The following NKAIN3 variants were observed in gnomAD, a reference collection of about 807,000 sequenced individuals.
NKAIN3 encodes the protein sodium/potassium-transporting ATPase subunit beta-1-interacting protein 3.
NKAIN3 carries 25 observed loss-of-function variants against 30.2 expected under a neutral mutation model. That is an observed-to-expected ratio of 0.83 (90% confidence interval 0.60 to 1.16). The LOEUF (loss-of-function observed/expected upper bound fraction) is 1.16, where lower values mean the gene tolerates loss of function less well. NKAIN3 is among the 50% of genes most tolerant of loss of function. The pLI, the probability that NKAIN3 is intolerant of heterozygous loss-of-function variation, is 0.00. For missense variants in NKAIN3, 225 were observed against 254.1 expected, an observed-to-expected ratio of 0.89 and a Z score of 0.78; for synonymous variants, 91 against 89.6, an observed-to-expected ratio of 1.02 and a Z score of -0.09.
intron 4 of NKAIN3, among the ~76,000 whole-genome samples, chr8:62,835,285 C>A (rs1014833541): frequency 6.6e-6 from 1 of 152,014 alleles, no homozygotes; most frequent in Non-Finnish European, 1.5e-5. Flanking sequence ...ACTAAGTCCT[C>A]GAAAGCAATT....
intron 3 of NKAIN3, among the ~76,000 whole-genome samples, chr8:62,713,722 A>G (rs1052839520): frequency 1.3e-5 from 2 of 152,166 alleles, no homozygotes; most frequent in East Asian, 1.9e-4. Flanking sequence ...AAACATTTCT[A>G]TGGTTTATGT....
chr8:62,626,736 T>A (rs1811800825), intron 3 of NKAIN3, among the ~76,000 whole-genome samples: 1 of 152,092 alleles, frequency 6.6e-6, no homozygotes, highest in Non-Finnish European at 1.5e-5. Flanking sequence ...AGACAGCATA[T>A]GTAAAGTGTG....
chr8:62,440,405 A>T (rs554100862), intron 1 of NKAIN3, among the ~76,000 whole-genome samples: 1 of 152,310 alleles, frequency 6.6e-6, no homozygotes, highest in East Asian at 1.9e-4. Context: ...ATATGGAAAG[A>T]ATCAATTTAA....
chr8:62,304,377 G>C (rs1206994782), intron 1 of NKAIN3, among the ~76,000 whole-genome samples: 2 of 150,364 alleles, frequency 1.3e-5, no homozygotes, highest in African/African-American at 2.5e-5. Flanking sequence ...CTTCTGAGCT[G>C]AGTTGCTTAG....
intron 4 of NKAIN3, among the ~76,000 whole-genome samples, chr8:62,883,997 G>A (rs1258697181): frequency 2.0e-5 from 3 of 152,098 alleles, no homozygotes; most frequent in African/African-American, 7.2e-5. Context: ...ATGCTGATGT[G>A]ATGAATTACA....
At chr8:62,707,238 A>G (rs1167227752) in intron 3 of NKAIN3, among the ~76,000 whole-genome samples, 1 of 152,108 alleles carries the variant, frequency 6.6e-6, no homozygotes, top group Admixed American at 6.6e-5. Flanking sequence ...CTCTGTGTAC[A>G]TACCCAGTAG....
At chr8:62,649,238 T>C (rs1812555668) in intron 3 of NKAIN3, among the ~76,000 whole-genome samples, 1 of 152,216 alleles carries the variant, frequency 6.6e-6, no homozygotes, top group African/African-American at 2.4e-5. Context: ...AGTAAGGTAC[T>C]TTGATTTTCC....
At chr8:62,874,076 G>C (rs1820724067) in intron 4 of NKAIN3, among the ~76,000 whole-genome samples, 1 of 151,548 alleles carries the variant, frequency 6.6e-6, no homozygotes, top group Admixed American at 6.6e-5. Context: ...TAACAAAATA[G>C]ATAAACCACT....
At chr8:62,431,246 T>C (rs866302979) in intron 1 of NKAIN3, among the ~76,000 whole-genome samples, 4 of 151,902 alleles carry the variant, frequency 2.6e-5, no homozygotes, top group Admixed American at 6.6e-5. Context: ...AAAGTAGATG[T>C]TCTAAAATTA....
chr8:62,333,625 G>A (rs1484148766), intron 1 of NKAIN3, among the ~76,000 whole-genome samples: 1 of 151,988 alleles, frequency 6.6e-6, no homozygotes, highest in Non-Finnish European at 1.5e-5. Context: ...ATTTTTCTTA[G>A]CTATATATAT....
rs1169432616 is a variant in NKAIN3, at chr8:62,990,219, T to C, written c.533-9012T>C. On this transcript the variant is annotated intron_variant, in intron 5 of 5. Coordinates refer to the NKAIN3 transcript ENST00000519049. The stretch of plus-strand genomic sequence containing the variant: ...CATCTTTTTATCCAGATGCTGCAAA[T>C]TATTGAATAAGCAAGAATTAGTAAG... 4.5e-6 allele frequency: 7 copies of C among 1,557,410 alleles called. No homozygotes were observed. The African/African-American group carries it at 6.8e-5, about 15-fold the overall frequency.
At chr8:62,509,204 G>T (rs1042716440) in intron 1 of NKAIN3, among the ~76,000 whole-genome samples, 3 of 152,040 alleles carry the variant, frequency 2.0e-5, no homozygotes, top group African/African-American at 4.8e-5. Flanking sequence ...TGGGGAGGGG[G>T]TCCCAAGCAA....
At chr8:62,627,692 T>C (rs1408959723) in intron 3 of NKAIN3, among the ~76,000 whole-genome samples, 1 of 152,108 alleles carries the variant, frequency 6.6e-6, no homozygotes, top group Non-Finnish European at 1.5e-5. Context: ...TCTCCTTTTC[T>C]CTTGAAAAAC....
At position 62,610,883 on chromosome 8, in the gene NKAIN3, T is replaced by C. The variant is rs576182244; in HGVS notation, c.273+21089T>C. Among the ~76,000 whole-genome samples, 32 of 152,250 alleles carry C rather than the reference T, an allele frequency of 2.1e-4. No homozygotes were observed. In the South Asian group the frequency reaches 6.6e-3, roughly 32 times the overall value. On this transcript the variant is annotated intron_variant, in intron 3 of 6. Transcript: ENST00000623646. ...GAGCCCTACTACGTTTTTTACTATG[T>C]TCTTATGTACATATAGTTTCATAGT...
chr8:62,379,065 G>T lies in NKAIN3; in HGVS notation c.54+129938G>T, dbSNP rs147162455. On this transcript the variant is annotated intron_variant, in intron 1 of 6. Transcript: ENST00000623646. Reference sequence around the variant, plus strand: ...CTGTGGGAACCTACCTTTTGCATCAGTGTGACATGGTTGTGAGACTTGGAG... The same window carrying T: ...CTGTGGGAACCTACCTTTTGCATCATTGTGACATGGTTGTGAGACTTGGAG... Among the ~76,000 whole-genome samples, 10 of 152,316 alleles carry T rather than the reference G, an allele frequency of 6.6e-5. 1 individual carries two copies. In the East Asian group the frequency reaches 1.9e-3, roughly 29 times the overall value.
At chr8:62,642,080 A>G (rs1346062514) in intron 3 of NKAIN3, among the ~76,000 whole-genome samples, 1 of 152,120 alleles carries the variant, frequency 6.6e-6, no homozygotes. Flanking sequence ...ATGCTTTTTA[A>G]AAAAATAAAG....
intron 4 of NKAIN3, among the ~76,000 whole-genome samples, chr8:62,781,905 C>T (rs1270796490): frequency 6.6e-6 from 1 of 151,900 alleles, no homozygotes. Context: ...ATGGCTATGA[C>T]CTCAGAAGCA....
At chr8:62,801,180 T>G (rs1471715921) in intron 4 of NKAIN3, among the ~76,000 whole-genome samples, 1 of 152,336 alleles carries the variant, frequency 6.6e-6, no homozygotes, top group East Asian at 1.9e-4. Context: ...GCTCCACCTC[T>G]GGGGGCAGGG....
chr8:62,487,106 A>C (rs2129601366), intron 1 of NKAIN3, among the ~76,000 whole-genome samples: 1 of 152,360 alleles, frequency 6.6e-6, no homozygotes, highest in African/African-American at 2.4e-5. Context: ...TAATCAAAAT[A>C]AAGGCCTGAA....
Sources: gnomAD v4.1 joint callset for allele counts (sites outside exome capture counted in the v4.1 genomes callset) on GRCh38, gnomAD v4.1.1 for gene constraint, MANE v1.5 for transcripts, NCBI Gene and HGNC (gene_info 2026-07-23, HGNC 2026-07-21) for gene names.